Variants in RAD54L observed in about 807,000 individuals in gnomAD.
RAD54L encodes the protein RAD54 like, also known as DNA repair and recombination protein RAD54-like.
In RAD54L, 74 loss-of-function variants were observed where a neutral mutation model predicts 91.6. That is an observed-to-expected ratio of 0.81 (90% CI 0.67 to 0.98). RAD54L has a LOEUF of 0.98. RAD54L is among the 50% of genes least tolerant of loss of function. The pLI, the probability that RAD54L is intolerant of heterozygous loss-of-function variation, is 0.00. For synonymous variants in RAD54L, 304 were observed against 349.7 expected, an observed-to-expected ratio of 0.87 and a Z score of 1.46; for missense variants, 887 against 945.7, an observed-to-expected ratio of 0.94 and a Z score of 0.81.
intron 2 of RAD54L, among the ~76,000 whole-genome samples, chr1:46,249,736 C>G (rs1330333773): frequency 6.6e-6 from 1 of 152,164 alleles, no homozygotes; most frequent in Admixed American, 6.5e-5. Flanking sequence ...TAGACTTGCT[C>G]TTCAGAGGCC....
Position 46,248,087 on chromosome 1 carries a change from A to C in RAD54L, c.-319A>C. 2 of 180,402 alleles carry C rather than the reference A, an allele frequency of 1.1e-5. No individual in the cohort carries two copies. Among genetic ancestry groups the C allele is most frequent in the South Asian group, 5.1e-5 (1 of 19,598 alleles). The allele number at this position is 180,402 out of a possible 1,614,324, so 11.2% of individuals were successfully genotyped here. ...TCCTCCCTTCACCCGGACTGGGACC[A>C]TCATCCCCACTCCACTCCGCCCAGT... is the stretch of plus-strand genomic sequence containing the variant. On this transcript the variant is annotated 5_prime_UTR_variant, in exon 1 of 18. Coordinates refer to ENST00000371975, the MANE Select transcript of RAD54L (RefSeq NM_003579.4).
At chr1:46,252,703 A>G (rs2148278947) in intron 3 of RAD54L, among the ~76,000 whole-genome samples, 1 of 152,260 alleles carries the variant, frequency 6.6e-6, no homozygotes. Flanking sequence ...CATGAAGTTC[A>G]ATGTATTATA....
At chr1:46,276,800 G>T (rs1660617085) in intron 16 of RAD54L, among the ~76,000 whole-genome samples, 1 of 152,112 alleles carries the variant, frequency 6.6e-6, no homozygotes, top group Non-Finnish European at 1.5e-5. Flanking sequence ...GGCATCCAAG[G>T]TTTGTTTTTT....
intron 7 of RAD54L, 29 bp downstream of exon 7, chr1:46,261,044 C>T (rs747705628): frequency 1.9e-6 from 3 of 1,607,760 alleles, no homozygotes; most frequent in Non-Finnish European, 2.5e-6. Flanking sequence ...GATGGCTGCA[C>T]TCTCCTGCAC....
rs1354504762 is a variant in RAD54L at position 46,265,681 on chromosome 1, CAT to C, written c.892-1776_892-1775del. On this transcript the variant is annotated intron_variant, in intron 8 of 17. Coordinates refer to ENST00000371975, the MANE Select transcript of RAD54L (RefSeq NM_003579.4). The surrounding 1 kb of genome is among the most constrained non-coding windows in gnomAD (Gnocchi z 4.8). ...ACTGAAATTATACAGGCGAATCTGACATAGTCTCTGCCTTAAGAAATCCTAGT... is the reference window on the plus strand; with the variant it reads ...ACTGAAATTATACAGGCGAATCTGACAGTCTCTGCCTTAAGAAATCCTAGT... Among the ~76,000 whole-genome samples the C allele has an allele frequency of 1.3e-5, 2 of 152,210 alleles. No homozygotes were observed. Among genetic ancestry groups the C allele is most frequent in the African/African-American group, 4.8e-5 (2 of 41,454 alleles).
chr1:46,259,736 A>G (rs1660044088), intron 4 of RAD54L, among the ~76,000 whole-genome samples: 1 of 151,770 alleles, frequency 6.6e-6, no homozygotes, highest in East Asian at 1.9e-4. Flanking sequence ...AGATTGTGCC[A>G]CTGCACTCCA....
chr1:46,273,847 A>T lies in RAD54L; in HGVS notation c.1610+100A>T. The T allele has an allele frequency of 2.0e-6, 3 of 1,496,284 alleles. No individual in the cohort carries two copies. The South Asian group carries it at 3.6e-5, about 18-fold the overall frequency. The allele number at this position is 1,496,284 out of a possible 1,614,324, so 92.7% of individuals were successfully genotyped here. A position where few individuals can be genotyped will look rare whatever the true frequency, so the allele number is the denominator to read the frequency against. ...GATGTGGGCCAAGATCTGGGCACAT[A>T]AGGGCTTTCCCTGGAGATATCTTCC... is the stretch of plus-strand genomic sequence containing the variant. On this transcript the variant is annotated intron_variant, in intron 14 of 17. Coordinates refer to ENST00000371975, the MANE Select transcript of RAD54L (RefSeq NM_003579.4).
chr1:46,261,376 AT>A lies in RAD54L; in HGVS notation c.883del (p.Cys295ValfsTer21), dbSNP rs760251137. ...LQKGSVGLVI[C>X]DEGHRLKNSE... ...AGAAAGGAAGTGTTGGTCTGGTCAT[AT>A]GTGACGAGGTACTTGACTCTCAGCA... On this transcript the variant is annotated frameshift_variant, in exon 8 of 18. Coordinates refer to ENST00000371975, the MANE Select transcript of RAD54L (RefSeq NM_003579.4). LOFTEE classifies it high-confidence loss of function. 6.2e-7 allele frequency: 1 copy of A among 1,614,082 alleles called. No individual in the cohort carries two copies. The highest frequency in any genetic ancestry group is 1.7e-5 in the Admixed American group (1 of 60,022).
chr1:46,261,154 G>A, intron 7 of RAD54L, 107 bp from the exon 8 acceptor site: 3 of 1,550,704 alleles, frequency 1.9e-6, no homozygotes, highest in East Asian at 4.6e-5. Context: ...AGTTGAAGTG[G>A]AGTCAGTTGT....
At chr1:46,267,087 C>G (rs1314178249) in intron 8 of RAD54L, among the ~76,000 whole-genome samples, 6 of 152,152 alleles carry the variant, frequency 3.9e-5, no homozygotes, top group Non-Finnish European at 8.8e-5. Flanking sequence ...TGCCTGTAGT[C>G]CCAGCTACTC....
chr1:46,250,214 G>C, intron 3 of RAD54L, 95 bp downstream of exon 3: 1 of 1,541,886 alleles, frequency 6.5e-7, no homozygotes, highest in Non-Finnish European at 8.9e-7. Context: ...GTGCTTTCTA[G>C]AGTGGCCAGA....
intron 9 of RAD54L, among the ~76,000 whole-genome samples, chr1:46,269,120 C>T (rs12125573): frequency 0.63 from 96,312 of 151,922 alleles, 32,208 homozygotes; most frequent in East Asian, 0.79. Context: ...TTGAAAAAAC[C>T]GTTCTTTCCC....
rs191025169 is a variant in RAD54L at position 46,256,347 on chromosome 1, G to A, written c.211-2339G>A. Reference sequence around the variant, plus strand: ...TCCCACCTCAGCCTCCCAAAGCACTGGGGTTATAGGCATGAGCCACTGCAC... The same window carrying A: ...TCCCACCTCAGCCTCCCAAAGCACTAGGGTTATAGGCATGAGCCACTGCAC... On this transcript the variant is annotated intron_variant, in intron 3 of 17. Coordinates refer to ENST00000371975, the MANE Select transcript of RAD54L (RefSeq NM_003579.4). Among the ~76,000 whole-genome samples, 210 of 152,270 alleles carry A rather than the reference G, an allele frequency of 1.4e-3. 1 individual carries two copies. Among genetic ancestry groups the A allele is most frequent in the African/African-American group, 4.5e-3 (189 of 41,558 alleles).
rs114069917 is a variant in RAD54L, at chr1:46,250,053, G to C, written c.144G>C (p.Leu48=). The C allele has an allele frequency of 5.5e-4, 885 of 1,614,064 alleles. 5 individuals are homozygous for C. In the African/African-American group the frequency reaches 8.7e-3, roughly 16 times the overall value. The change falls in exon 3 of 18, where the codon CTG becomes CTC. Residue 48 remains leucine, a synonymous_variant. Transcript: ENST00000371975. ...AGACCCAGATCCAGGAGTGTTTCCT[G>C]TCTCCTTTTCGGAAACCTTTGAGTC... is the stretch of plus-strand genomic sequence containing the variant. ...SSETQIQECF[L]SPFRKPLSQL...
At chr1:46,262,724 C>G (rs1660165432) in intron 8 of RAD54L, among the ~76,000 whole-genome samples, 1 of 152,036 alleles carries the variant, frequency 6.6e-6, no homozygotes, top group African/African-American at 2.4e-5. Context: ...GCATGGCGTT[C>G]TATCTGCAGC....
chr1:46,267,401 G>A lies in RAD54L; in HGVS notation c.892-58G>A, dbSNP rs1012080022. ...GACTCCTCTTTTCCTGTCTACATGA[G>A]ACTTTGCTACCGTATAGGGAATGCC... On this transcript the variant is annotated intron_variant, in intron 8 of 17. Coordinates refer to ENST00000371975, the MANE Select transcript of RAD54L (RefSeq NM_003579.4). The A allele has an allele frequency of 2.5e-6, 4 of 1,610,248 alleles. No individual in the cohort carries two copies. The African/African-American group carries it at 5.3e-5, about 22-fold the overall frequency.
intron 8 of RAD54L, 21 bp downstream of exon 8, chr1:46,261,406 T>C: frequency 6.2e-7 from 1 of 1,613,998 alleles, no homozygotes; most frequent in South Asian, 1.1e-5. Context: ...CTCAGCAGTC[T>C]GGGTGGTAGG....
At chr1:46,255,358 C>G (rs996732964) in intron 3 of RAD54L, among the ~76,000 whole-genome samples, 1 of 152,028 alleles carries the variant, frequency 6.6e-6, no homozygotes, top group Non-Finnish European at 1.5e-5. Context: ...TGCTGTCTCT[C>G]ATCTATCAGA....
At chr1:46,248,484 A>C (rs1557696505) in intron 1 of RAD54L, 28 bp from the exon 2 acceptor site, 1 of 1,614,054 alleles carries the variant, frequency 6.2e-7, no homozygotes, top group Admixed American at 1.7e-5. Context: ...GGATCCTTGC[A>C]GGCACTGTTT....
Sources: allele counts gnomAD v4.1 joint callset (sites outside exome capture counted in the v4.1 genomes callset), GRCh38; gene constraint gnomAD v4.1.1; non-coding constraint Gnocchi (gnomAD v3.1); transcripts MANE v1.5; gene names NCBI Gene and HGNC (gene_info 2026-07-23, HGNC 2026-07-21).